Variants in FER observed in about 807,000 individuals in gnomAD.
The protein encoded by FER is tyrosine-protein kinase Fer.
A neutral mutation model predicts 111.0 loss-of-function variants in FER; 63 were observed. The ratio of observed to expected loss-of-function variants is 0.57; its 90% confidence interval spans 0.46 to 0.70. The LOEUF is 0.70. Ranked by LOEUF, FER falls within the 30% of genes least tolerant of loss-of-function variation. The probability of loss-of-function intolerance (pLI) is 0.00; values close to 1 mark genes in which losing one functional copy is unlikely to be tolerated. For synonymous variants in FER, 327 were observed against 313.9 expected, an observed-to-expected ratio of 1.04 and a Z score of -0.44; for missense variants, 914 against 954.0, an observed-to-expected ratio of 0.96 and a Z score of 0.55.
At chr5:108,932,233 C>T (rs1012357341) in intron 10 of FER, among the ~76,000 whole-genome samples, 1 of 152,108 alleles carries the variant, frequency 6.6e-6, no homozygotes, top group Non-Finnish European at 1.5e-5. Context: ...CATGTGTTCT[C>T]ATTGTTCAAC....
chr5:108,988,977 TGTGTC>T (rs1762867978), intron 13 of FER, among the ~76,000 whole-genome samples: 1 of 152,176 alleles, frequency 6.6e-6, no homozygotes, highest in East Asian at 1.9e-4. Flanking sequence ...TTTGATACAT[TGTGTC>T]ATTGTTATTG....
chr5:109,055,181 C>G (rs1345880913), intron 16 of FER, among the ~76,000 whole-genome samples: 3 of 151,966 alleles, frequency 2.0e-5, no homozygotes, highest in Admixed American at 1.3e-4. Context: ...GATGAAAGAC[C>G]TAAATATAAA....
intron 9 of FER, among the ~76,000 whole-genome samples, chr5:108,884,566 G>C (rs758318240): frequency 1.4e-5 from 2 of 147,728 alleles, no homozygotes; most frequent in Non-Finnish European, 3.0e-5. Context: ...TACTTTCTCA[G>C]ATTTTACATA....
intron 16 of FER, among the ~76,000 whole-genome samples, chr5:109,081,681 A>G (rs1261970950): frequency 6.6e-6 from 1 of 152,008 alleles, no homozygotes; most frequent in Non-Finnish European, 1.5e-5. Context: ...TAGCACAGAC[A>G]TTTCAGCAAC....
In FER at chr5:108,897,761, A is replaced by G. The variant is rs35990968; in HGVS notation, c.1149A>G (p.Leu383=). 6,223 of 1,613,726 alleles carry G rather than the reference A, an allele frequency of 3.9e-3. 210 individuals are homozygous for G. The African/African-American group carries it at 0.074, about 19-fold the overall frequency. ...TEAKFSAQKE[L]LEQKVQENDG... ...CAAAGTTTTCAGCACAGAAGGAATT[A>G]CTAGAGCAAAAAGTGCAAGAAAATG... Residue 383 remains leucine, a synonymous_variant, in exon 10 of 20, where the codon TTA becomes TTG. Coordinates refer to ENST00000281092, the MANE Select transcript of FER (RefSeq NM_005246.4).
At chr5:108,893,239 C>T (rs574666352) in intron 9 of FER, among the ~76,000 whole-genome samples, 1 of 151,514 alleles carries the variant, frequency 6.6e-6, no homozygotes, top group South Asian at 2.1e-4. Context: ...ATGGCATTGA[C>T]TCTATAAATT....
At chr5:108,914,231 C>CTGTGTGTGTGTGTGTG (rs35365353) in intron 10 of FER, among the ~76,000 whole-genome samples, 16 of 141,140 alleles carry the variant, frequency 1.1e-4, no homozygotes, top group Admixed American at 5.6e-4. Flanking sequence ...ACTTGTCTCT[C>CTGTGTGTGTGTGTGTG]TGTGTGTGTG....
chr5:108,906,893 C>T (rs1750854240), intron 10 of FER, among the ~76,000 whole-genome samples: 1 of 152,076 alleles, frequency 6.6e-6, no homozygotes, highest in African/African-American at 2.4e-5. Context: ...CCAGTTGAAA[C>T]CTGTTTTTTC....
chr5:109,138,665 A>G lies in FER; in HGVS notation c.2048+38146A>G, dbSNP rs76215008. Among the ~76,000 whole-genome samples the G allele has an allele frequency of 7.5e-3, 1,145 of 152,220 alleles. 15 individuals are homozygous for G. The highest frequency in any genetic ancestry group is 0.026 in the African/African-American group (1,085 of 41,550). The stretch of plus-strand genomic sequence containing the variant: ...TGATTTCTCTAGTTCCTCTCACTCT[A>G]TTTTAATATCAGTCAGCTATCCTTG... On this transcript the variant is annotated intron_variant, in intron 17 of 19. Coordinates refer to ENST00000281092, the MANE Select transcript of FER (RefSeq NM_005246.4).
chr5:108,837,569 T>C (rs1005726066), intron 5 of FER, among the ~76,000 whole-genome samples: 1 of 152,176 alleles, frequency 6.6e-6, no homozygotes, highest in Admixed American at 6.5e-5. Context: ...AATCCAGCTA[T>C]GTTGTGTATT....
At chr5:109,146,253 A>AATATATATATATATATATATAT (rs6149172) in intron 17 of FER, among the ~76,000 whole-genome samples, 15 of 42,126 alleles carry the variant, frequency 3.6e-4, no homozygotes, top group Admixed American at 7.8e-4. Flanking sequence ...TAATCTATCT[A>AATATATATATATATATATATAT]ATATATATAT....
chr5:109,020,478 T>G (rs567401106), intron 13 of FER, among the ~76,000 whole-genome samples: 361 of 152,082 alleles, frequency 2.4e-3, no homozygotes, highest in African/African-American at 8.3e-3. Context: ...TAAAAAGAAA[T>G]ATTCCTTCAG....
intron 2 of FER, among the ~76,000 whole-genome samples, chr5:108,778,386 G>A (rs1178674875): frequency 2.0e-5 from 3 of 152,160 alleles, no homozygotes; most frequent in African/African-American, 7.2e-5. Context: ...AGTATGTTTA[G>A]TTTTGTAAGA....
intron 10 of FER, among the ~76,000 whole-genome samples, chr5:108,910,996 C>G (rs1275161255): frequency 6.6e-6 from 1 of 151,910 alleles, no homozygotes; most frequent in Admixed American, 6.6e-5. Flanking sequence ...AGTGGGATTA[C>G]TGGGTCAAAT....
At chr5:109,116,381 T>C (rs1750234123) in intron 17 of FER, among the ~76,000 whole-genome samples, 1 of 151,770 alleles carries the variant, frequency 6.6e-6, no homozygotes, top group South Asian at 2.1e-4. Flanking sequence ...AGATTTTCTC[T>C]TTTCCCTTTT....
chr5:109,191,028 A>G lies in FER; in HGVS notation c.*3453A>G, dbSNP rs1293047649. ...TCAGTTTTCCCATATAACTTTTGTGAAGATTGGCTAGTACCACAAAATAAC... is the reference window on the plus strand; with the variant it reads ...TCAGTTTTCCCATATAACTTTTGTGGAGATTGGCTAGTACCACAAAATAAC... On this transcript the variant is annotated 3_prime_UTR_variant, in exon 20 of 20. Coordinates refer to ENST00000281092, the MANE Select transcript of FER (RefSeq NM_005246.4). 1 of 152,168 alleles carries G rather than the reference A, an allele frequency of 6.6e-6. No homozygotes were observed. Among genetic ancestry groups the G allele is most frequent in the African/African-American group, 2.4e-5 (1 of 41,442 alleles). 9.4% of individuals were successfully genotyped at this position (152,168 alleles called of 1,614,324 possible).
chr5:108,881,321 G>A (rs1034913719), intron 8 of FER, among the ~76,000 whole-genome samples: 5 of 152,138 alleles, frequency 3.3e-5, no homozygotes, highest in Non-Finnish European at 4.4e-5. Context: ...AGCAAGTCAC[G>A]TTTTACACGG....
At chr5:109,164,628 A>C (rs979709805) in intron 17 of FER, among the ~76,000 whole-genome samples, 1 of 152,152 alleles carries the variant, frequency 6.6e-6, no homozygotes, top group African/African-American at 2.4e-5. Context: ...TAGTATCATT[A>C]ACATATCTTT....
intron 16 of FER, among the ~76,000 whole-genome samples, chr5:109,080,067 A>G (rs1221213621): frequency 2.2e-5 from 3 of 138,610 alleles, no homozygotes; most frequent in African/African-American, 4.9e-5. Flanking sequence ...TTAAATGAAT[A>G]AAGTGTATCT....
Sources: allele counts gnomAD v4.1 joint callset (sites outside exome capture counted in the v4.1 genomes callset), GRCh38; gene constraint gnomAD v4.1.1; transcripts MANE v1.5; gene names NCBI Gene and HGNC (gene_info 2026-07-23, HGNC 2026-07-21).